DCK: variants seen among roughly 807,000 people sequenced by gnomAD.
DCK encodes deoxyadenosine kinase.
DCK carries 23 observed loss-of-function variants against 38.3 expected under a neutral mutation model. The observed-to-expected ratio is 0.60, with a 90% CI of 0.43 to 0.85. DCK has a LOEUF of 0.85. DCK is among the 40% of genes least tolerant of loss of function. DCK has a pLI of 0.00. For synonymous variants in DCK, 108 were observed against 100.6 expected, an observed-to-expected ratio of 1.07 and a Z score of -0.44; for missense variants, 259 against 304.4, an observed-to-expected ratio of 0.85 and a Z score of 1.11.
chr4:71,026,787 G>T (rs771801486), intron 6 of DCK, 32 bp downstream of exon 6: 1 of 1,152,994 alleles, frequency 8.7e-7, no homozygotes, highest in Non-Finnish European at 1.3e-6. Flanking sequence ...ACAAATATTT[G>T]TTTTTTCTAA....
chr4:71,016,890 A>C (rs1170745852), intron 2 of DCK, among the ~76,000 whole-genome samples: 1 of 152,228 alleles, frequency 6.6e-6, no homozygotes, highest in Non-Finnish European at 1.5e-5. Context: ...CTTCATGTCT[A>C]AAACACCAAA....
intron 4 of DCK, among the ~76,000 whole-genome samples, chr4:71,024,263 C>T (rs1248359277): frequency 1.3e-5 from 2 of 152,032 alleles, no homozygotes; most frequent in Non-Finnish European, 2.9e-5. Context: ...ACTTAGAGGA[C>T]CCTTGCCATT....
chr4:71,018,288 C>T (rs1462569252), intron 2 of DCK, among the ~76,000 whole-genome samples: 1 of 151,912 alleles, frequency 6.6e-6, no homozygotes, highest in East Asian at 1.9e-4. Context: ...CACCATGCCC[C>T]GCTATTTTTT....
At chr4:71,001,604 T>C (rs933449188) in intron 2 of DCK, among the ~76,000 whole-genome samples, 1 of 152,194 alleles carries the variant, frequency 6.6e-6, no homozygotes, top group African/African-American at 2.4e-5. Flanking sequence ...CAGCTGTGAA[T>C]CCATCTGGTC....
chr4:71,023,313 G>T (rs1170073776), intron 3 of DCK, among the ~76,000 whole-genome samples: 3 of 152,082 alleles, frequency 2.0e-5, no homozygotes, highest in Non-Finnish European at 2.9e-5. Context: ...AAGTATATTG[G>T]TATATGAAGT....
chr4:71,007,443 A>G (rs1050147551), intron 2 of DCK, among the ~76,000 whole-genome samples: 6 of 152,142 alleles, frequency 3.9e-5, no homozygotes, highest in South Asian at 2.1e-4. Context: ...TCCAATCACT[A>G]TATCTTCTTT....
At chr4:71,000,198 A>G (rs1037991684) in intron 2 of DCK, among the ~76,000 whole-genome samples, 5 of 152,160 alleles carry the variant, frequency 3.3e-5, no homozygotes, top group African/African-American at 1.2e-4. Context: ...TAATTTTTGT[A>G]TAAGGTGTAA....
intron 2 of DCK, among the ~76,000 whole-genome samples, chr4:71,001,152 TAC>T: frequency 1.3e-5 from 2 of 152,356 alleles, no homozygotes; most frequent in East Asian, 3.9e-4. Context: ...TATTTTGAGA[TAC>T]ATTTCATCAA....
At chr4:71,004,146 G>A (rs1739878825) in intron 2 of DCK, among the ~76,000 whole-genome samples, 1 of 152,154 alleles carries the variant, frequency 6.6e-6, no homozygotes, top group Non-Finnish European at 1.5e-5. Context: ...GTTTTTGCGT[G>A]GTTGTCCTTT....
intron 4 of DCK, 147 bp downstream of exon 4, chr4:71,023,853 T>A: frequency 1.6e-6 from 1 of 626,114 alleles, no homozygotes; most frequent in Non-Finnish European, 2.5e-6. Flanking sequence ...TGTAACTGTG[T>A]AGATAGAAGC....
Position 71,023,561 on chromosome 4 carries a change from A to G in DCK, c.404A>G (p.Tyr135Cys), listed in dbSNP as rs1423286703. 6.3e-7 allele frequency: 1 copy of G among 1,576,158 alleles called. No homozygotes were observed. Among genetic ancestry groups the G allele is most frequent in the Non-Finnish European group, 8.7e-7 (1 of 1,155,162 alleles). The stretch of plus-strand genomic sequence containing the variant: ...TGTTGATGAAGACTCTCTTTTAGGT[A>G]TATTTTTGCATCTAATTTGTATGAA... ...FFERSVYSDR[Y>C]IFASNLYESE... The change falls in exon 4 of 7, where the codon TAT (tyrosine) becomes TGT (cysteine). Residue 135 changes from tyrosine (Y) to cysteine (C), a missense_variant and splice_region_variant. Coordinates refer to ENST00000286648, the MANE Select transcript of DCK (RefSeq NM_000788.3).
chr4:71,028,671 C>G (rs1433989622), intron 6 of DCK: 1 of 445,872 alleles, frequency 2.2e-6, no homozygotes, highest in Non-Finnish European at 4.5e-6. Flanking sequence ...TCTTGGCTCA[C>G]TGCCATCTCC....
At chr4:70,995,863 G>A (rs1173956295) in intron 1 of DCK, among the ~76,000 whole-genome samples, 3 of 152,180 alleles carry the variant, frequency 2.0e-5, no homozygotes, top group African/African-American at 7.2e-5. Flanking sequence ...TACACTGAAA[G>A]TAGTTGTGAA....
In DCK at chr4:71,003,348, C is replaced by A. The variant is rs145364883; in HGVS notation, c.207+5166C>A. ...TCTGCTGTTAGTCTGATGGGCTTCC[C>A]TTTGTGGGTAACCCGACCTTTCTCT... is the stretch of plus-strand genomic sequence containing the variant. On this transcript the variant is annotated intron_variant, in intron 2 of 6. Transcript: ENST00000286648. 7.6e-3 allele frequency among the ~76,000 whole-genome samples: 1,151 copies of A among 152,282 alleles called. 6 individuals are homozygous for A. Among genetic ancestry groups the A allele is most frequent in the Middle Eastern group, 0.014 (4 of 294 alleles).
intron 2 of DCK, among the ~76,000 whole-genome samples, chr4:71,006,756 C>T (rs775113290): frequency 2.6e-5 from 4 of 152,058 alleles, no homozygotes; most frequent in South Asian, 2.1e-4. Flanking sequence ...TGTAGTGAGC[C>T]ATGCTCATGC....
chr4:71,017,678 G>GA (rs1460538268), intron 2 of DCK, among the ~76,000 whole-genome samples: 4 of 148,634 alleles, frequency 2.7e-5, no homozygotes, highest in Non-Finnish European at 4.5e-5. Flanking sequence ...CTGTCGCAGG[G>GA]AAAAAAAACA....
intron 2 of DCK, among the ~76,000 whole-genome samples, chr4:70,998,645 C>T (rs1382433194): frequency 1.3e-5 from 2 of 151,984 alleles, no homozygotes; most frequent in Admixed American, 1.3e-4. Context: ...GCATTGAGGC[C>T]GGGGTTGGTG....
chr4:71,008,769 C>G (rs1377265314), intron 2 of DCK, among the ~76,000 whole-genome samples: 1 of 152,178 alleles, frequency 6.6e-6, no homozygotes, highest in Non-Finnish European at 1.5e-5. Flanking sequence ...CAGAAACTGA[C>G]ATATAAAACC....
At chr4:71,013,751 G>T (rs1057333390) in intron 2 of DCK, among the ~76,000 whole-genome samples, 5 of 152,164 alleles carry the variant, frequency 3.3e-5, no homozygotes, top group South Asian at 2.1e-4. Context: ...CAAGAGCTCC[G>T]GAAGGAAGCA....
Sources: gnomAD v4.1 joint callset for allele counts (sites outside exome capture counted in the v4.1 genomes callset) on GRCh38, gnomAD v4.1.1 for gene constraint, MANE v1.5 for transcripts, NCBI Gene and HGNC (gene_info 2026-07-23, HGNC 2026-07-21) for gene names.